Variants in SDK1 observed in about 807,000 individuals in gnomAD.
The protein encoded by SDK1 is protein sidekick-1.
Under a neutral mutation model 245.5 loss-of-function variants are expected in SDK1, and 157 were observed. The observed-to-expected ratio is 0.64, with a 90% CI of 0.56 to 0.73. The LOEUF is 0.73. Ranked by LOEUF, SDK1 falls within the 30% of genes least tolerant of loss-of-function variation. SDK1 has a pLI of 0.00. For synonymous variants in SDK1, 1,647 were observed against 1,278.5 expected (o/e 1.29, Z -6.15); for missense variants, 3,583 against 3,002.3 (o/e 1.19, Z -4.52).
At chr7:3,732,187 G>C (rs956290526) in intron 4 of SDK1, among the ~76,000 whole-genome samples, 1 of 152,218 alleles carries the variant, frequency 6.6e-6, no homozygotes, top group Admixed American at 6.5e-5. Context: ...GAAGTAGGTA[G>C]GAAGGTGTAG....
In SDK1 at chr7:3,301,535, G is replaced by C. The variant is rs899233479; in HGVS notation, c.-52G>C. 8.8e-6 allele frequency: 6 copies of C among 680,452 alleles called. No individual in the cohort carries two copies. The highest frequency in any genetic ancestry group is 6.5e-5 in the South Asian group (1 of 15,400). 42.2% of individuals were successfully genotyped at this position (680,452 alleles called of 1,614,324 possible). A position where few individuals can be genotyped will look rare whatever the true frequency, so the allele number is the denominator to read the frequency against. On this transcript the variant is annotated 5_prime_UTR_variant, in exon 1 of 45. Coordinates refer to ENST00000404826, the MANE Select transcript of SDK1 (RefSeq NM_152744.4). ...GCGCCCGCTCGGAGCCGTCCCGCCT[G>C]TCCTGCCCGCCCGTCCGTCCGGCGC...
intron 40 of SDK1, among the ~76,000 whole-genome samples, chr7:4,226,730 T>C (rs1423126998): frequency 6.6e-6 from 1 of 152,216 alleles, no homozygotes; most frequent in Non-Finnish European, 1.5e-5. Flanking sequence ...TGGAAGGCAC[T>C]GGAAACTATG....
At chr7:3,459,995 C>A (rs1231003953) in intron 1 of SDK1, among the ~76,000 whole-genome samples, 1 of 152,148 alleles carries the variant, frequency 6.6e-6, no homozygotes, top group Admixed American at 6.5e-5. Flanking sequence ...ATTGGTCTTG[C>A]TTTTGCCAAA....
intron 1 of SDK1, among the ~76,000 whole-genome samples, chr7:3,497,160 C>T (rs996582506): frequency 6.6e-6 from 1 of 152,136 alleles, no homozygotes; most frequent in African/African-American, 2.4e-5. Flanking sequence ...AAAAGAGAAA[C>T]TCTTTTTAGT....
intron 2 of SDK1, among the ~76,000 whole-genome samples, chr7:3,625,956 T>C (rs1782104322): frequency 6.7e-6 from 1 of 150,316 alleles, no homozygotes; most frequent in Admixed American, 6.6e-5. Flanking sequence ...TTTTTTTTTT[T>C]TTTGAGGGAG....
intron 1 of SDK1, among the ~76,000 whole-genome samples, chr7:3,434,441 C>T (rs1391467501): frequency 6.6e-6 from 1 of 152,162 alleles, no homozygotes; most frequent in Admixed American, 6.5e-5. Flanking sequence ...GTTTGCGTAG[C>T]TCGCGTGCCA....
chr7:3,319,876 G>GTTTTTTTTT (rs1562411105), intron 1 of SDK1, among the ~76,000 whole-genome samples: 1 of 40,988 alleles, frequency 2.4e-5, no homozygotes, highest in African/African-American at 1.3e-4. Flanking sequence ...CCCATTCTTA[G>GTTTTTTTTT]TCTTTTTTTT....
At chr7:3,547,229 G>A (rs947607566) in intron 1 of SDK1, among the ~76,000 whole-genome samples, 4 of 152,020 alleles carry the variant, frequency 2.6e-5, no homozygotes, top group Non-Finnish European at 1.5e-5. Context: ...TGCTTTGATA[G>A]CCACATATTT....
At chr7:4,132,204 C>T (rs1221666732) in intron 27 of SDK1, 121 bp from the exon 28 acceptor site, 2 of 750,144 alleles carry the variant, frequency 2.7e-6, no homozygotes, top group East Asian at 2.7e-5. Context: ...GGTTCTAAAC[C>T]CACGACAGTG....
At chr7:3,794,075 T>G (rs1778902488) in intron 4 of SDK1, among the ~76,000 whole-genome samples, 1 of 152,188 alleles carries the variant, frequency 6.6e-6, no homozygotes, top group African/African-American at 2.4e-5. Flanking sequence ...TTTATACAAT[T>G]GAATGCACTC....
chr7:4,219,833 C>T (rs1054615388), intron 38 of SDK1, among the ~76,000 whole-genome samples: 1 of 150,530 alleles, frequency 6.6e-6, no homozygotes, highest in African/African-American at 2.5e-5. Context: ...CCTCCCCGCT[C>T]CTCCTTCATA....
At chr7:3,792,220 C>G (rs1027739730) in intron 4 of SDK1, among the ~76,000 whole-genome samples, 10 of 152,130 alleles carry the variant, frequency 6.6e-5, no homozygotes, top group Non-Finnish European at 1.3e-4. Context: ...TCCAGCCCCC[C>G]ACTTCCATGC....
At chr7:3,759,455 A>G (rs757726197) in intron 4 of SDK1, among the ~76,000 whole-genome samples, 1 of 152,140 alleles carries the variant, frequency 6.6e-6, no homozygotes, top group African/African-American at 2.4e-5. Flanking sequence ...GTATTAGTTA[A>G]TGATGGTGAA....
chr7:4,025,912 G>A lies in SDK1; in HGVS notation c.2602+8560G>A, dbSNP rs1033200511. ...GATGTCCAACAGCAACCCTTCCTGG[G>A]TGCCGCCCACACTGAGCCTGGCTTT... On this transcript the variant is annotated intron_variant, in intron 17 of 44. Coordinates refer to ENST00000404826, the MANE Select transcript of SDK1 (RefSeq NM_152744.4). Among the ~76,000 whole-genome samples, 2 of 152,178 alleles carry A rather than the reference G, an allele frequency of 1.3e-5. 1 individual carries two copies. The highest frequency in any genetic ancestry group is 4.1e-4 in the South Asian group (2 of 4,830).
At chr7:4,123,956 G>A (rs912786582) in intron 25 of SDK1, among the ~76,000 whole-genome samples, 3 of 152,206 alleles carry the variant, frequency 2.0e-5, no homozygotes, top group African/African-American at 4.8e-5. Flanking sequence ...CCTTTGCTCT[G>A]CAGGTTCCTC....
chr7:3,820,302 A>C (rs1296572206), intron 4 of SDK1, among the ~76,000 whole-genome samples: 1 of 152,116 alleles, frequency 6.6e-6, no homozygotes, highest in African/African-American at 2.4e-5. Flanking sequence ...GGCGTGTGCC[A>C]CCACGCCGAA....
chr7:3,804,534 T>G (rs958412785), intron 4 of SDK1, among the ~76,000 whole-genome samples: 2 of 152,236 alleles, frequency 1.3e-5, no homozygotes, highest in African/African-American at 2.4e-5. Flanking sequence ...TTTTCAAAAT[T>G]GTTTTTGCTA....
In SDK1 at chr7:3,999,939, C is replaced by A. The variant is rs576169478; in HGVS notation, c.2132-11027C>A. Among the ~76,000 whole-genome samples the A allele has an allele frequency of 3.9e-4, 60 of 152,198 alleles. 2 individuals are homozygous for A. In the South Asian group the frequency reaches 0.011, roughly 28 times the overall value. On this transcript the variant is annotated intron_variant, in intron 14 of 44. Coordinates refer to ENST00000404826, the MANE Select transcript of SDK1 (RefSeq NM_152744.4). Reference sequence around the variant, plus strand: ...AATGATGCCAGACCCGAGTCTTGTACAACAAAGAGCTGCACAAAGCTGGGA... The same window carrying A: ...AATGATGCCAGACCCGAGTCTTGTAAAACAAAGAGCTGCACAAAGCTGGGA...
At chr7:3,870,875 A>G (rs1294363499) in intron 5 of SDK1, among the ~76,000 whole-genome samples, 1 of 152,212 alleles carries the variant, frequency 6.6e-6, no homozygotes, top group East Asian at 1.9e-4. Flanking sequence ...AATGCATAAT[A>G]ACAGTTTCTC....
Sources: allele counts gnomAD v4.1 joint callset (sites outside exome capture counted in the v4.1 genomes callset), GRCh38; gene constraint gnomAD v4.1.1; transcripts MANE v1.5; gene names NCBI Gene and HGNC (gene_info 2026-07-23, HGNC 2026-07-21).